Variants in ULK4 observed in about 807,000 individuals in gnomAD.
ULK4 encodes inactive serine/threonine-protein kinase ULK4.
ULK4 carries 133 observed loss-of-function variants against 160.6 expected under a neutral mutation model. The ratio of observed to expected loss-of-function variants is 0.83; its 90% CI spans 0.72 to 0.96. The LOEUF (loss-of-function observed/expected upper bound fraction) is 0.96, where lower values mean the gene tolerates loss of function less well. Among genes scored for constraint, ULK4 ranks in the 40% least tolerant of loss-of-function variants. The probability of loss-of-function intolerance (pLI) is 0.00; values close to 1 mark genes in which losing one functional copy is unlikely to be tolerated. For synonymous variants in ULK4, 534 were observed against 539.8 expected (o/e 0.99, Z 0.15); for missense variants, 1,580 against 1,499.5 (o/e 1.05, Z -0.89).
chr3:41,883,950 C>A lies in ULK4; in HGVS notation c.1580G>T (p.Arg527Leu), dbSNP rs764995864. 6.2e-7 allele frequency: 1 copy of A among 1,607,636 alleles called. No individual in the cohort carries two copies. The highest frequency in any genetic ancestry group is 8.5e-7 in the Non-Finnish European group (1 of 1,174,020). ...HLRIAPNWDI[R>L]AKVAHVIGLL... is the part of the protein sequence containing the mutation. The stretch of plus-strand genomic sequence containing the variant: ...ACCAATTACGTGAGCAACCTTGGCC[C>A]GTCTGTAAATGGAGAGAAAACAGGC... Residue 527 changes from arginine to leucine, a missense_variant and splice_region_variant, in exon 17 of 37, where the codon CGG (arginine) becomes CTG (leucine). Physicochemically the swap from Arg to Leu is moderately radical, Grantham distance 102 (BLOSUM62 -2). Transcript: ENST00000301831.
At chr3:41,752,568 A>C (rs1309927069) in intron 22 of ULK4, among the ~76,000 whole-genome samples, 1 of 152,206 alleles carries the variant, frequency 6.6e-6, no homozygotes, top group Non-Finnish European at 1.5e-5. Flanking sequence ...ATGTAATGAC[A>C]TCCTGAAACA....
chr3:41,896,978 A>C lies in ULK4; in HGVS notation c.1374T>G (p.Asp458Glu). The C allele has an allele frequency of 1.2e-6, 2 of 1,612,810 alleles. No homozygotes were observed. The highest frequency in any genetic ancestry group is 1.7e-6 in the Non-Finnish European group (2 of 1,179,704). The change falls in exon 15 of 37, where the codon GAT becomes GAG. Residue 458 changes from aspartate to glutamate, a missense_variant. By Grantham distance (45) the Asp-to-Glu change is conservative. Transcript: ENST00000301831. ...GTTGCAAAAAGTCATTCCAATCTTGATCTTTCAGAAATAATAACTTATCCA... is the reference window on the plus strand; with the variant it reads ...GTTGCAAAAAGTCATTCCAATCTTGCTCTTTCAGAAATAATAACTTATCCA... ...YSVDKLLFLK[D>E]QDWNDFLQQV... is the part of the protein sequence containing the mutation.
At chr3:41,643,029 G>C (rs1182435112) in intron 30 of ULK4, among the ~76,000 whole-genome samples, 1 of 152,124 alleles carries the variant, frequency 6.6e-6, no homozygotes, top group East Asian at 1.9e-4. Flanking sequence ...CCCAGTTTTT[G>C]ATGGGGTTGT....
intron 35 of ULK4, among the ~76,000 whole-genome samples, chr3:41,355,713 A>C (rs990204808): frequency 2.0e-5 from 3 of 152,216 alleles, no homozygotes; most frequent in African/African-American, 7.2e-5. Flanking sequence ...TTAGAACAAT[A>C]ATTCACAGTC....
chr3:41,733,360 T>A lies in ULK4; in HGVS notation c.2322-15499A>T, dbSNP rs188974616. On this transcript the variant is annotated intron_variant, in intron 22 of 36. Transcript: ENST00000301831. Reference sequence around the variant, plus strand: ...ACCATTTAAATGGAAGAGGAGATGATCTAGTTTGGAATACTGTGTCAGATG... The same window carrying A: ...ACCATTTAAATGGAAGAGGAGATGAACTAGTTTGGAATACTGTGTCAGATG... Among the ~76,000 whole-genome samples the A allele has an allele frequency of 1.2e-4, 19 of 152,166 alleles. No individual in the cohort carries two copies. The East Asian group carries it at 3.5e-3, about 28-fold the overall frequency.
chr3:41,934,545 A>T (rs576964025), intron 4 of ULK4, among the ~76,000 whole-genome samples: 4 of 152,354 alleles, frequency 2.6e-5, no homozygotes, highest in African/African-American at 9.6e-5. Context: ...CTAGAAACTT[A>T]ACCTAAATAT....
chr3:41,327,968 T>A (rs2080368871), intron 35 of ULK4, among the ~76,000 whole-genome samples: 1 of 152,048 alleles, frequency 6.6e-6, no homozygotes, highest in Admixed American at 6.5e-5. Flanking sequence ...TCTTCTTAAG[T>A]CGTTTGGAAA....
At chr3:41,482,589 A>T (rs1259942021) in intron 32 of ULK4, among the ~76,000 whole-genome samples, 49 of 152,308 alleles carry the variant, frequency 3.2e-4, no homozygotes, top group Non-Finnish European at 2.9e-5. Flanking sequence ...AGCAGGTAAG[A>T]GTCCTAAGCA....
rs1047033458 is a variant in ULK4 at position 41,672,369 on chromosome 3, C to CA, written c.2979-8671dup. Among the ~76,000 whole-genome samples the CA allele has an allele frequency of 3.4e-4, 52 of 151,886 alleles. 1 individual carries two copies. Among genetic ancestry groups the CA allele is most frequent in the Admixed American group, 2.4e-3 (36 of 15,246 alleles). On this transcript the variant is annotated intron_variant, in intron 29 of 36. Transcript: ENST00000301831. ...TACCCAATGGAATACTATTCAACCA[C>CA]AAAAAAGAATGAAATCATGTCATTT...
intron 35 of ULK4, among the ~76,000 whole-genome samples, chr3:41,396,622 A>C (rs2082067469): frequency 6.6e-6 from 1 of 152,178 alleles, no homozygotes; most frequent in African/African-American, 2.4e-5. Context: ...GAAGGATTAG[A>C]GGGGTGTTAA....
intron 17 of ULK4, among the ~76,000 whole-genome samples, chr3:41,865,983 C>G (rs530394526): frequency 6.6e-6 from 1 of 151,966 alleles, no homozygotes; most frequent in African/African-American, 2.4e-5. Flanking sequence ...AAAAGACAAG[C>G]CACAGAGAAA....
At chr3:41,847,956 G>C (rs1431257078) in intron 17 of ULK4, among the ~76,000 whole-genome samples, 1 of 152,200 alleles carries the variant, frequency 6.6e-6, no homozygotes, top group African/African-American at 2.4e-5. Context: ...ATAAAATTCT[G>C]TTCTGTAATT....
At chr3:41,450,397 AACAGACTTAGAATCACTGTC>A (rs2083399109) in intron 34 of ULK4, among the ~76,000 whole-genome samples, 1 of 152,196 alleles carries the variant, frequency 6.6e-6, no homozygotes. Context: ...AGATTGTCAA[AACAGACTTAGAATCACTGTC>A]TTATATAAAC....
chr3:41,815,571 T>TATGC (rs1427248125), intron 19 of ULK4, among the ~76,000 whole-genome samples: 1 of 152,136 alleles, frequency 6.6e-6, no homozygotes, highest in Non-Finnish European at 1.5e-5. Flanking sequence ...TGCTTATGCT[T>TATGC]TTAGCTTCTT....
rs546464998 is a variant in ULK4, at chr3:41,883,374, G to A, written c.1656+500C>T. On this transcript the variant is annotated intron_variant, in intron 17 of 36. Transcript: ENST00000301831. Reference sequence around the variant, plus strand: ...CTTGCTGTTTCCCCTAAAAGCCTTGGTTCTTTTCACCTATGCTGACTCTTG... The same window carrying A: ...CTTGCTGTTTCCCCTAAAAGCCTTGATTCTTTTCACCTATGCTGACTCTTG... 3.3e-4 allele frequency among the ~76,000 whole-genome samples: 50 copies of A among 152,126 alleles called. 1 individual carries two copies. Among genetic ancestry groups the A allele is most frequent in the African/African-American group, 1.1e-3 (46 of 41,492 alleles).
At chr3:41,371,935 T>C (rs2081377544) in intron 35 of ULK4, among the ~76,000 whole-genome samples, 1 of 151,770 alleles carries the variant, frequency 6.6e-6, no homozygotes, top group South Asian at 2.1e-4. Flanking sequence ...ATAACCAGTT[T>C]AGAGAAGAAC....
At chr3:41,585,228 A>G (rs956596272) in intron 31 of ULK4, among the ~76,000 whole-genome samples, 1 of 152,326 alleles carries the variant, frequency 6.6e-6, no homozygotes, top group African/African-American at 2.4e-5. Context: ...AAAAAGATGT[A>G]CAAACTTCTC....
chr3:41,893,738 T>C (rs533467649), intron 16 of ULK4, among the ~76,000 whole-genome samples: 5 of 152,278 alleles, frequency 3.3e-5, no homozygotes, highest in African/African-American at 7.2e-5. Context: ...ATGTTAATAA[T>C]AACATTTACA....
intron 7 of ULK4, 143 bp from the exon 8 acceptor site, chr3:41,916,195 C>A: frequency 1.8e-6 from 1 of 561,424 alleles, no homozygotes; most frequent in Non-Finnish European, 3.1e-6. Context: ...CCATTAACAA[C>A]AATTATATCC....
Sources: allele counts gnomAD v4.1 joint callset (sites outside exome capture counted in the v4.1 genomes callset), GRCh38; gene constraint gnomAD v4.1.1; transcripts MANE v1.5; gene names NCBI Gene and HGNC (gene_info 2026-07-23, HGNC 2026-07-21).